NFYC: variants seen among roughly 807,000 people sequenced by gnomAD.
The protein encoded by NFYC is CAAT box DNA-binding protein subunit C.
A neutral mutation model predicts 53.1 loss-of-function variants in NFYC; 25 were observed. The ratio of observed to expected loss-of-function variants is 0.47; its 90% CI spans 0.34 to 0.66. NFYC has a LOEUF of 0.66. Among genes scored for constraint, NFYC ranks in the 30% least tolerant of loss-of-function variants. The probability of loss-of-function intolerance (pLI) is 0.01; values close to 1 mark genes in which losing one functional copy is unlikely to be tolerated. For synonymous variants in NFYC, 145 were observed against 152.6 expected (o/e 0.95, Z 0.37); for missense variants, 260 against 422.7 (o/e 0.62, Z 3.38).
intron 1 of NFYC, among the ~76,000 whole-genome samples, chr1:40,729,735 G>T (rs141098611): frequency 0.011 from 1,596 of 151,788 alleles, 16 homozygotes; most frequent in Non-Finnish European, 0.015. Flanking sequence ...GAGTGCAATG[G>T]TACGATCTCA....
intron 8 of NFYC, chr1:40,767,213 C>G (rs1315014084): frequency 4.9e-5 from 25 of 509,220 alleles, no homozygotes; most frequent in Non-Finnish European, 8.2e-5. Flanking sequence ...GGGGCTGCCT[C>G]CCTGGGCTTG....
intron 1 of NFYC, chr1:40,735,895 T>A: frequency 2.9e-6 from 1 of 345,212 alleles, no homozygotes; most frequent in Non-Finnish European, 4.1e-6. Context: ...GATAAATAAC[T>A]AAACTTCTCT....
At chr1:40,741,264 G>T (rs1469037680) in intron 2 of NFYC, among the ~76,000 whole-genome samples, 1 of 151,870 alleles carries the variant, frequency 6.6e-6, no homozygotes, top group East Asian at 1.9e-4. Flanking sequence ...CAACCATTCT[G>T]TTTTTCGCTT....
intron 1 of NFYC, among the ~76,000 whole-genome samples, chr1:40,724,976 C>T (rs1182507574): frequency 6.6e-6 from 1 of 152,150 alleles, no homozygotes; most frequent in Non-Finnish European, 1.5e-5. Context: ...GATATACCTT[C>T]AAACGTCAAA....
Position 40,738,895 on chromosome 1 carries a change from A to G in NFYC, c.52A>G (p.Ser18Gly), listed in dbSNP as rs1441249386. ...GGTSSSDAQQSLQSFWPRVME... is the reference protein window; with the variant it reads ...GGTSSSDAQQGLQSFWPRVME... ...TACTAGCAGCAGTGATGCCCAGCAA[A>G]GCCTACAGTCGTTCTGGCCTCGGGT... is the stretch of plus-strand genomic sequence containing the variant. Residue 18 changes from serine (S) to glycine (G), a missense_variant, in exon 2 of 10, where the codon AGC (serine) becomes GGC (glycine). Physicochemically the swap from Ser to Gly is moderately conservative, Grantham distance 56 (BLOSUM62 0). Transcript: ENST00000447388. 6.2e-7 allele frequency: 1 copy of G among 1,614,192 alleles called. No individual in the cohort carries two copies. The highest frequency in any genetic ancestry group is 1.1e-5 in the South Asian group (1 of 91,088).
chr1:40,762,472 C>T (rs766765560), intron 6 of NFYC, among the ~76,000 whole-genome samples: 4 of 152,240 alleles, frequency 2.6e-5, no homozygotes, highest in Non-Finnish European at 5.9e-5. Flanking sequence ...TAAATTCATA[C>T]TGACCCTTTC....
Position 40,770,903 on chromosome 1 carries a change from C to T in NFYC, c.*75C>T. 6.5e-7 allele frequency: 1 copy of T among 1,537,842 alleles called. No homozygotes were observed. Among genetic ancestry groups the T allele is most frequent in the Non-Finnish European group, 8.8e-7 (1 of 1,132,210 alleles). On this transcript the variant is annotated 3_prime_UTR_variant, in exon 10 of 10. Transcript: ENST00000447388. This position sits in a 1 kb window ranked among gnomAD's most constrained non-coding sequence, Gnocchi z 5.3. ...AGCCCCAGGCAATGGGCACAGCCTT[C>T]CTCCCCAGAGGACCCGGCCGACCTC...
chr1:40,765,693 G>A (rs1352882201), intron 7 of NFYC, among the ~76,000 whole-genome samples: 1 of 152,174 alleles, frequency 6.6e-6, no homozygotes, highest in Non-Finnish European at 1.5e-5. Context: ...AATTGAGGGT[G>A]TGAATGTCTG....
At chr1:40,707,606 C>A (rs1457233070) in intron 1 of NFYC, among the ~76,000 whole-genome samples, 1 of 151,202 alleles carries the variant, frequency 6.6e-6, no homozygotes, top group Non-Finnish European at 1.5e-5. Context: ...AAGTTCGAGA[C>A]CAGCCTGGGC....
chr1:40,740,151 G>T (rs540911423), intron 2 of NFYC, among the ~76,000 whole-genome samples: 24 of 152,260 alleles, frequency 1.6e-4, no homozygotes, highest in Admixed American at 1.2e-3. Context: ...TGTCATTCCT[G>T]CCCTGGAAAT....
At chr1:40,759,023 T>TA (rs1188748680) in intron 6 of NFYC, among the ~76,000 whole-genome samples, 2 of 152,096 alleles carry the variant, frequency 1.3e-5, no homozygotes, top group Non-Finnish European at 2.9e-5. Context: ...TACAAATACT[T>TA]AAAGGTTGTA....
intron 4 of NFYC, among the ~76,000 whole-genome samples, chr1:40,752,835 CCTG>C (rs1447200002): frequency 6.6e-6 from 1 of 151,906 alleles, no homozygotes; most frequent in Non-Finnish European, 1.5e-5. Context: ...TGACCAGAAA[CCTG>C]CTAATTGAGA....
chr1:40,736,820 CAAAAAAAAAAAAAA>C (rs71060396), intron 1 of NFYC, among the ~76,000 whole-genome samples: 2 of 63,670 alleles, frequency 3.1e-5, no homozygotes, highest in African/African-American at 6.2e-5. Flanking sequence ...AAACTTATTC[CAAAAAAAAAAAAAA>C]AAAAAAAAAA....
At chr1:40,709,366 A>G (rs1307311549) in intron 1 of NFYC, 1 of 152,230 alleles carries the variant, frequency 6.6e-6, no homozygotes, top group Non-Finnish European at 1.5e-5. Flanking sequence ...GCAGGGCTTC[A>G]TTGGAGCCTC....
At chr1:40,697,673 A>G (rs1455918636) in intron 1 of NFYC, among the ~76,000 whole-genome samples, 2 of 152,342 alleles carry the variant, frequency 1.3e-5, no homozygotes, top group South Asian at 4.1e-4. Flanking sequence ...TATCAGTTGA[A>G]GTAGGACCGT....
In NFYC at chr1:40,762,885, C is replaced by A; in HGVS notation, c.562-3C>A. ...GCAGCATTCTCATAACTCTTCCTTT[C>A]AGACCACACCTGTGACAATGCAGGT... is the stretch of plus-strand genomic sequence containing the variant. On this transcript the variant is annotated splice_polypyrimidine_tract_variant and splice_region_variant and intron_variant, in intron 6 of 9. Coordinates refer to ENST00000447388, the MANE Select transcript of NFYC (RefSeq NM_014223.5). The A allele has an allele frequency of 6.3e-7, 1 of 1,586,854 alleles. No individual in the cohort carries two copies. Among genetic ancestry groups the A allele is most frequent in the Non-Finnish European group, 8.6e-7 (1 of 1,164,276 alleles).
intron 7 of NFYC, 138 bp downstream of exon 7, chr1:40,763,184 A>G (rs749353364): frequency 1.8e-5 from 13 of 723,222 alleles, no homozygotes; most frequent in African/African-American, 1.1e-4. Context: ...ACCTTGATAT[A>G]TATATCTATA....
At chr1:40,704,934 C>G (rs1643621829) in intron 1 of NFYC, among the ~76,000 whole-genome samples, 1 of 152,198 alleles carries the variant, frequency 6.6e-6, no homozygotes, top group South Asian at 2.1e-4. Flanking sequence ...AAAGTGGCTT[C>G]AGGGCCTTAA....
chr1:40,763,385 T>A (rs1646658801), intron 7 of NFYC: 3 of 455,036 alleles, frequency 6.6e-6, no homozygotes, highest in Non-Finnish European at 1.3e-5. Context: ...GCTGTGTCAC[T>A]CAGACTGATG....
Sources: allele counts gnomAD v4.1 joint callset (sites outside exome capture counted in the v4.1 genomes callset), GRCh38; gene constraint gnomAD v4.1.1; non-coding constraint Gnocchi (gnomAD v3.1); transcripts MANE v1.5; gene names NCBI Gene and HGNC (gene_info 2026-07-23, HGNC 2026-07-21).